The following SLC28A3 variants were observed in gnomAD, a reference collection of about 807,000 sequenced individuals.
SLC28A3 encodes concentrative Na(+)-nucleoside cotransporter 3.
SLC28A3 carries 68 observed loss-of-function variants against 84.2 expected under a neutral mutation model. The observed-to-expected ratio is 0.81, with a 90% confidence interval of 0.66 to 0.99. The LOEUF (loss-of-function observed/expected upper bound fraction) is 0.99. Among genes scored for constraint, SLC28A3 ranks in the 50% least tolerant of loss-of-function variants. The pLI, the probability that SLC28A3 is intolerant of heterozygous loss-of-function variation, is 0.00. For synonymous variants in SLC28A3, 267 were observed against 303.6 expected, an observed-to-expected ratio of 0.88 and a Z score of 1.25; for missense variants, 712 against 841.5, an observed-to-expected ratio of 0.85 and a Z score of 1.90.
chr9:84,313,898 TAAAGA>T (rs149895339), intron 1 of SLC28A3, among the ~76,000 whole-genome samples: 5,729 of 149,456 alleles, frequency 0.038, 380 homozygotes, highest in African/African-American at 0.13. Flanking sequence ...GAAAAGAAAG[TAAAGA>T]AAAGAAACAT....
At chr9:84,288,270 G>A in intron 11 of SLC28A3, 92 bp from the exon 12 acceptor site, 7 of 1,544,136 alleles carry the variant, frequency 4.5e-6, no homozygotes, top group East Asian at 2.3e-5. Flanking sequence ...GGAAGAAACA[G>A]GGCAGGGGTT....
chr9:84,344,187 T>G (rs948903253), upstream of SLC28A3, among the ~76,000 whole-genome samples: 1 of 130,308 alleles, frequency 7.7e-6, no homozygotes, highest in South Asian at 2.3e-4. Context: ...TCATATGGGT[T>G]TTTTTTTTTT....
At chr9:84,294,809 A>G (rs569731673) in intron 8 of SLC28A3, among the ~76,000 whole-genome samples, 13 of 152,296 alleles carry the variant, frequency 8.5e-5, no homozygotes, top group Admixed American at 4.6e-4. Context: ...TTGGAGTTCC[A>G]AACTAAGGAA....
chr9:84,304,893 G>A (rs1479634742), intron 4 of SLC28A3, among the ~76,000 whole-genome samples: 1 of 152,196 alleles, frequency 6.6e-6, no homozygotes, highest in East Asian at 1.9e-4. Flanking sequence ...GTGGTGACGT[G>A]TGCCTGTAAT....
At chr9:84,336,883 C>T (rs1040924699) in intron 1 of SLC28A3, among the ~76,000 whole-genome samples, 4 of 152,292 alleles carry the variant, frequency 2.6e-5, no homozygotes, top group Non-Finnish European at 4.4e-5. Context: ...CTCTGCCCAC[C>T]CCACCTCCTA....
intron 1 of SLC28A3, among the ~76,000 whole-genome samples, chr9:84,315,375 G>C (rs1320661130): frequency 6.6e-6 from 1 of 152,134 alleles, no homozygotes; most frequent in African/African-American, 2.4e-5. Flanking sequence ...TTTGGATTTG[G>C]GGTTCTTGCG....
the SLC28A3 span, among the ~76,000 whole-genome samples, chr9:84,346,039 T>C: frequency 6.6e-6 from 1 of 152,202 alleles, no homozygotes; most frequent in Admixed American, 6.5e-5. Context: ...TTGTGAGAAA[T>C]AGCTTGTGCC....
chr9:84,313,402 C>A lies in SLC28A3; in HGVS notation c.113G>T (p.Arg38Ile). 6.2e-7 allele frequency: 1 copy of A among 1,614,088 alleles called. No individual in the cohort carries two copies. Among genetic ancestry groups the A allele is most frequent in the Non-Finnish European group, 8.5e-7 (1 of 1,179,998 alleles). Residue 38 changes from arginine to isoleucine, a missense_variant, in exon 2 of 18, where the codon AGA (arginine) becomes ATA (isoleucine). By Grantham distance (97) the Arg-to-Ile change is moderately conservative (BLOSUM62 -3). Transcript: ENST00000376238. The stretch of plus-strand genomic sequence containing the variant: ...CTCCCTGCTTTGCACAGCTCTGCTT[C>A]TTATTGAGTTGTTTCCTGATGTGTT... The part of the protein sequence containing the change: ...NENTSGNNSI[R>I]SRAVQSREHT...
rs535871127 is a variant in SLC28A3, at chr9:84,320,238, A to G, written c.61-6784T>C. Among the ~76,000 whole-genome samples, 3 of 151,156 alleles carry G rather than the reference A, an allele frequency of 2.0e-5. No individual in the cohort carries two copies. The South Asian group carries it at 6.3e-4, about 32-fold the overall frequency. On this transcript the variant is annotated intron_variant, in intron 1 of 17. Transcript: ENST00000376238. The stretch of plus-strand genomic sequence containing the variant: ...CTCATTTTTTTTTTGTATTTTTAGT[A>G]GAGACAGGATTTTGCCATGATGGCC...
At chr9:84,295,787 C>T (rs748255545) in intron 8 of SLC28A3, among the ~76,000 whole-genome samples, 4 of 152,074 alleles carry the variant, frequency 2.6e-5, no homozygotes, top group African/African-American at 7.2e-5. Flanking sequence ...CCTACTGTTC[C>T]CCGGCTAACT....
chr9:84,286,045 G>C lies in SLC28A3; in HGVS notation c.1347C>G (p.Asn449Lys). 6.2e-7 allele frequency: 1 copy of C among 1,614,162 alleles called. No individual in the cohort carries two copies. The highest frequency in any genetic ancestry group is 1.3e-5 in the African/African-American group (1 of 75,050). The change falls in exon 13 of 18, where the codon AAC (asparagine) becomes AAG (lysine). Residue 449 changes from asparagine (N) to lysine (K), a missense_variant. Transcript: ENST00000376238. ...GGAAGGCAATCAGATTCACAGCGAT[G>C]TTGGCCACCAGGGAGATGGAGGAGG... ...GASSSISLVANIAVNLIAFLA... is the reference protein window; with the variant it reads ...GASSSISLVAKIAVNLIAFLA...
intron 1 of SLC28A3, among the ~76,000 whole-genome samples, chr9:84,329,952 T>C (rs1384812086): frequency 6.6e-6 from 1 of 152,142 alleles, no homozygotes; most frequent in East Asian, 1.9e-4. Flanking sequence ...AATTTTATAA[T>C]TGTAATTGCT....
upstream of SLC28A3, among the ~76,000 whole-genome samples, chr9:84,342,969 C>T (rs1827194377): frequency 6.6e-6 from 1 of 152,020 alleles, no homozygotes; most frequent in Admixed American, 6.6e-5. Flanking sequence ...CGAGACCAGC[C>T]TGGCCAACAT....
the SLC28A3 span, among the ~76,000 whole-genome samples, chr9:84,354,070 T>C: frequency 6.6e-6 from 1 of 152,260 alleles, no homozygotes; most frequent in Non-Finnish European, 1.5e-5. Flanking sequence ...GGCTCTCACC[T>C]CATCTTGTTC....
the SLC28A3 span, among the ~76,000 whole-genome samples, chr9:84,346,184 C>T: frequency 5.3e-5 from 8 of 152,286 alleles, no homozygotes; most frequent in East Asian, 3.9e-4. Context: ...TCCTATACCC[C>T]GTTCTGTTCT....
At chr9:84,357,316 T>C in the SLC28A3 span, among the ~76,000 whole-genome samples, 13 of 152,210 alleles carry the variant, frequency 8.5e-5, no homozygotes, top group African/African-American at 3.1e-4. Flanking sequence ...AAATGAATAC[T>C]ATTTTTCTCC....
rs73482449 is a variant in SLC28A3 at position 84,304,374 on chromosome 9, G to C, written c.334+880C>G. On this transcript the variant is annotated intron_variant, in intron 4 of 17. Transcript: ENST00000376238. The stretch of plus-strand genomic sequence containing the variant: ...TAATGTCTGTGGTTTGGATCAGGGT[G>C]CTTACGTTTTATAGACAGGAGTGTT... 7.0e-3 allele frequency among the ~76,000 whole-genome samples: 1,065 copies of C among 152,184 alleles called. 10 individuals carry two copies. Among genetic ancestry groups the C allele is most frequent in the African/African-American group, 0.024 (1,015 of 41,522 alleles).
chr9:84,319,268 C>T (rs1056699760), intron 1 of SLC28A3, among the ~76,000 whole-genome samples: 1 of 152,142 alleles, frequency 6.6e-6, no homozygotes, highest in Non-Finnish European at 1.5e-5. Flanking sequence ...TTAACCATAT[C>T]AAGAATAAGA....
chr9:84,314,464 C>T (rs1826099082), intron 1 of SLC28A3, among the ~76,000 whole-genome samples: 2 of 152,160 alleles, frequency 1.3e-5, no homozygotes, highest in South Asian at 2.1e-4. Context: ...ACTATGACTG[C>T]ATCTTCAAAG....
Sources: allele counts gnomAD v4.1 joint callset (sites outside exome capture counted in the v4.1 genomes callset), GRCh38; gene constraint gnomAD v4.1.1; transcripts MANE v1.5; gene names NCBI Gene and HGNC (gene_info 2026-07-23, HGNC 2026-07-21).